UNC13C: variants seen among roughly 807,000 people sequenced by gnomAD.
UNC13C encodes unc-13 homolog C.
UNC13C carries 174 observed loss-of-function variants against 245.4 expected under a neutral mutation model. The observed-to-expected ratio is 0.71, with a 90% CI of 0.63 to 0.80. The LOEUF is 0.80. Among genes scored for constraint, UNC13C ranks in the 30% least tolerant of loss-of-function variants. The probability of loss-of-function intolerance (pLI) is 0.00; values close to 1 mark genes in which losing one functional copy is unlikely to be tolerated. For missense variants in UNC13C, 2,829 were observed against 2,602.9 expected, an observed-to-expected ratio of 1.09 and a Z score of -1.89; for synonymous variants, 992 against 895.1, an observed-to-expected ratio of 1.11 and a Z score of -1.93.
intron 19 of UNC13C, among the ~76,000 whole-genome samples, chr15:54,463,547 C>T (rs1044655790): frequency 6.6e-6 from 1 of 151,716 alleles, no homozygotes; most frequent in South Asian, 2.1e-4. Flanking sequence ...CCAGACGCGC[C>T]GCCTTAAGAG....
intron 19 of UNC13C, among the ~76,000 whole-genome samples, chr15:54,482,098 T>C (rs1893153295): frequency 6.6e-6 from 1 of 152,126 alleles, no homozygotes; most frequent in Non-Finnish European, 1.5e-5. Flanking sequence ...TCTGGTGTGC[T>C]TTACCACATG....
chr15:54,545,570 G>T (rs150416335), intron 26 of UNC13C, among the ~76,000 whole-genome samples: 10 of 151,938 alleles, frequency 6.6e-5, no homozygotes, highest in African/African-American at 2.2e-4. Context: ...ATCCTACAAG[G>T]AACTTAAATC....
intron 18 of UNC13C, among the ~76,000 whole-genome samples, chr15:54,396,047 A>AAAC (rs2040062792): frequency 6.6e-6 from 1 of 151,422 alleles, no homozygotes. Context: ...GTACTTTCAG[A>AAAC]TTTAGGTCCA....
chr15:54,546,952 GTGTT>G lies in UNC13C; in HGVS notation c.5820+110_5820+113del, dbSNP rs1160361284. The G allele has an allele frequency of 1.2e-5, 12 of 1,035,870 alleles. No homozygotes were observed. The African/African-American group carries it at 1.6e-4, about 13-fold the overall frequency. 64.2% of individuals were successfully genotyped at this position (1,035,870 alleles called of 1,614,324 possible). A position where few individuals can be genotyped will look rare whatever the true frequency, so the allele number is the denominator to read the frequency against. On this transcript the variant is annotated intron_variant, in intron 27 of 32. Coordinates refer to ENST00000260323, the MANE Select transcript of UNC13C (RefSeq NM_001080534.3). ...CTAATTAAATCCCTTTGGGGAAAAA[GTGTT>G]TGGTATCCAGTTTCTTAACAATGAT...
intron 29 of UNC13C, among the ~76,000 whole-genome samples, chr15:54,560,375 T>TA (rs913508977): frequency 6.6e-5 from 10 of 151,836 alleles, no homozygotes; most frequent in Non-Finnish European, 1.3e-4. Context: ...ATTGGGATTA[T>TA]AAAAAAATAG....
At chr15:54,618,315 C>T (rs964400619) in intron 30 of UNC13C, among the ~76,000 whole-genome samples, 3 of 152,198 alleles carry the variant, frequency 2.0e-5, no homozygotes, top group Middle Eastern at 3.4e-3. Context: ...GTATTCATGA[C>T]CCAATAATGT....
At chr15:54,395,511 C>A (rs1434660213) in intron 18 of UNC13C, among the ~76,000 whole-genome samples, 1 of 151,878 alleles carries the variant, frequency 6.6e-6, no homozygotes, top group African/African-American at 2.4e-5. Context: ...TAAACGATCC[C>A]TGTTATTGTG....
At chr15:54,077,394 T>TTTTTG (rs1394483752) in intron 2 of UNC13C, among the ~76,000 whole-genome samples, 1 of 140,418 alleles carries the variant, frequency 7.1e-6, no homozygotes, top group East Asian at 2.1e-4. Flanking sequence ...TTTTTTTTTT[T>TTTTTG]TTGAGACAGA....
intron 14 of UNC13C, among the ~76,000 whole-genome samples, chr15:54,323,185 A>G (rs1280337650): frequency 6.6e-6 from 1 of 152,040 alleles, no homozygotes; most frequent in Non-Finnish European, 1.5e-5. Context: ...CAGTTGAGAC[A>G]CAGCAAATAA....
chr15:54,406,163 T>G (rs1353991083), intron 18 of UNC13C, among the ~76,000 whole-genome samples: 1 of 152,128 alleles, frequency 6.6e-6, no homozygotes, highest in Non-Finnish European at 1.5e-5. Context: ...TAAATTTGAG[T>G]ATATTTTGTG....
At chr15:54,341,110 T>C (rs1208885410) in intron 17 of UNC13C, among the ~76,000 whole-genome samples, 1 of 152,126 alleles carries the variant, frequency 6.6e-6, no homozygotes, top group Non-Finnish European at 1.5e-5. Context: ...ACTGAGAATC[T>C]ATACAAAAGA....
intron 1 of UNC13C, among the ~76,000 whole-genome samples, chr15:53,985,732 A>G (rs1894110953): frequency 6.6e-6 from 1 of 151,990 alleles, no homozygotes; most frequent in Non-Finnish European, 1.5e-5. Context: ...TGTCATAACC[A>G]TGTCACATTA....
intron 4 of UNC13C, among the ~76,000 whole-genome samples, chr15:54,197,700 A>G (rs2034401403): frequency 6.6e-6 from 1 of 152,102 alleles, no homozygotes; most frequent in Non-Finnish European, 1.5e-5. Flanking sequence ...AAGATGGAGG[A>G]TAGGAGGCAG....
chr15:53,954,295 T>C, the UNC13C span, among the ~76,000 whole-genome samples: 31 of 152,218 alleles, frequency 2.0e-4, no homozygotes, highest in African/African-American at 7.5e-4. Context: ...GAGTGTGTGC[T>C]TCCTGAGAGA....
the UNC13C span, among the ~76,000 whole-genome samples, chr15:53,844,216 A>G: frequency 5.3e-5 from 8 of 152,198 alleles, no homozygotes; most frequent in African/African-American, 1.7e-4. Context: ...TCAGAGAGCT[A>G]AGGAAGATCA....
At chr15:54,366,038 CAGA>C (rs2039357687) in intron 17 of UNC13C, among the ~76,000 whole-genome samples, 2 of 152,168 alleles carry the variant, frequency 1.3e-5, no homozygotes, top group African/African-American at 4.8e-5. Context: ...AATTGTTCCA[CAGA>C]AGAAGAGCTA....
chr15:54,313,988 T>C (rs1367195749), intron 13 of UNC13C, among the ~76,000 whole-genome samples: 2 of 151,648 alleles, frequency 1.3e-5, no homozygotes, highest in African/African-American at 4.8e-5. Context: ...AACAAGATGG[T>C]TAAACCCTGG....
intron 5 of UNC13C, 122 bp from the exon 6 acceptor site, chr15:54,236,308 G>A: frequency 4.1e-6 from 3 of 737,386 alleles, no homozygotes; most frequent in Non-Finnish European, 6.8e-6. Context: ...TCAAATTTCT[G>A]TCTTCACTAT....
At chr15:54,472,872 T>C (rs566903582) in intron 19 of UNC13C, among the ~76,000 whole-genome samples, 1 of 152,052 alleles carries the variant, frequency 6.6e-6, no homozygotes, top group South Asian at 2.1e-4. Flanking sequence ...TAAACATGTA[T>C]TTCATATTTG....
Sources: gnomAD v4.1 joint callset for allele counts (sites outside exome capture counted in the v4.1 genomes callset) on GRCh38, gnomAD v4.1.1 for gene constraint, MANE v1.5 for transcripts, NCBI Gene and HGNC (gene_info 2026-07-23, HGNC 2026-07-21) for gene names.